RABGAP1L: variants seen among roughly 807,000 people sequenced by gnomAD.
The protein encoded by RABGAP1L is rab GTPase-activating protein 1-like.
In RABGAP1L, 63 loss-of-function variants were observed where a neutral mutation model predicts 137.7. The ratio of observed to expected loss-of-function variants is 0.46; its 90% confidence interval spans 0.37 to 0.56. The LOEUF (loss-of-function observed/expected upper bound fraction) is 0.56. Ranked by LOEUF, RABGAP1L falls within the 20% of genes least tolerant of loss-of-function variation. The pLI, the probability that RABGAP1L is intolerant of heterozygous loss-of-function variation, is 0.00. For missense variants in RABGAP1L, 1,095 were observed against 1,244.0 expected (o/e 0.88, Z 1.80); for synonymous variants, 431 against 433.7 (o/e 0.99, Z 0.08).
chr1:174,201,147 A>C (rs1444906910), intron 1 of RABGAP1L, among the ~76,000 whole-genome samples: 2 of 152,074 alleles, frequency 1.3e-5, no homozygotes, highest in Non-Finnish European at 2.9e-5. Context: ...CAGAGACAAG[A>C]GTCTCCCTCT....
intron 14 of RABGAP1L, among the ~76,000 whole-genome samples, chr1:174,647,899 A>C (rs1001213234): frequency 6.6e-6 from 1 of 152,098 alleles, no homozygotes; most frequent in Non-Finnish European, 1.5e-5. Flanking sequence ...TTATTGGTCT[A>C]TTCAGGGACT....
chr1:174,612,743 T>G (rs1056825545), intron 13 of RABGAP1L, among the ~76,000 whole-genome samples: 161 of 152,338 alleles, frequency 1.1e-3, no homozygotes, highest in African/African-American at 3.7e-3. Flanking sequence ...AGCCTGTTAT[T>G]GGTCTATTCA....
chr1:174,278,140 C>T (rs961386786), intron 9 of RABGAP1L, among the ~76,000 whole-genome samples: 2 of 152,142 alleles, frequency 1.3e-5, no homozygotes, highest in Non-Finnish European at 1.5e-5. Flanking sequence ...TGGTGGCTCA[C>T]GCTTGTAATC....
chr1:174,231,529 G>GT (rs1670652256), intron 4 of RABGAP1L, among the ~76,000 whole-genome samples, 174 bp downstream of exon 4: 1 of 152,116 alleles, frequency 6.6e-6, no homozygotes, highest in Non-Finnish European at 1.5e-5. Context: ...TTGAACAATT[G>GT]TATTAGTCTA....
intron 17 of RABGAP1L, among the ~76,000 whole-genome samples, chr1:174,711,865 T>G (rs772161958): frequency 2.0e-5 from 3 of 152,204 alleles, no homozygotes; most frequent in Non-Finnish European, 4.4e-5. Flanking sequence ...CAGCTGAGCT[T>G]CTGAGTCGGG....
intron 19 of RABGAP1L, among the ~76,000 whole-genome samples, chr1:174,841,705 A>T (rs1693425391): frequency 6.6e-6 from 1 of 152,122 alleles, no homozygotes; most frequent in African/African-American, 2.4e-5. Context: ...TGATAAAAAT[A>T]GAAAAGAAGA....
intron 13 of RABGAP1L, among the ~76,000 whole-genome samples, chr1:174,397,480 G>A (rs1208215251): frequency 6.6e-6 from 1 of 152,106 alleles, no homozygotes; most frequent in Non-Finnish European, 1.5e-5. Flanking sequence ...GACTGTAGCT[G>A]TGGTGACACA....
At chr1:174,165,479 GTGACATT>G (rs1664828506) in intron 1 of RABGAP1L, among the ~76,000 whole-genome samples, 1 of 151,202 alleles carries the variant, frequency 6.6e-6, no homozygotes, top group Admixed American at 6.6e-5. Context: ...AAAAGAAGAG[GTGACATT>G]TGAACTACTT....
rs538435869 is a variant in RABGAP1L, at chr1:174,621,474, C to T, written c.1711-15901C>T. Among the ~76,000 whole-genome samples the T allele has an allele frequency of 2.5e-3, 379 of 152,260 alleles. 4 individuals carry two copies. Among genetic ancestry groups the T allele is most frequent in the African/African-American group, 8.8e-3 (365 of 41,544 alleles). The stretch of plus-strand genomic sequence containing the variant: ...AACTATACTACAAGGCTACAGTAAC[C>T]AAAACAGCATGGTACTGGTAGCAAA... On this transcript the variant is annotated intron_variant, in intron 13 of 25. Transcript: ENST00000681986.
intron 13 of RABGAP1L, among the ~76,000 whole-genome samples, chr1:174,590,082 A>C (rs1361603549): frequency 6.7e-6 from 1 of 149,226 alleles, no homozygotes; most frequent in Non-Finnish European, 1.5e-5. Flanking sequence ...CTAATCCATG[A>C]ACATGGAATA....
At chr1:174,981,128 A>G (rs1479517252) in intron 23 of RABGAP1L, among the ~76,000 whole-genome samples, 1 of 152,200 alleles carries the variant, frequency 6.6e-6, no homozygotes, top group Non-Finnish European at 1.5e-5. Context: ...CCTGGGGACT[A>G]TTCTTGAATA....
At chr1:174,823,588 G>A (rs920979506) in intron 19 of RABGAP1L, among the ~76,000 whole-genome samples, 2 of 152,120 alleles carry the variant, frequency 1.3e-5, no homozygotes, top group Non-Finnish European at 2.9e-5. Flanking sequence ...AATGAAGAGA[G>A]GTTGGTTAAT....
chr1:174,171,696 T>TAGAA (rs1220552394), intron 1 of RABGAP1L, among the ~76,000 whole-genome samples: 16 of 134,304 alleles, frequency 1.2e-4, no homozygotes, highest in Non-Finnish European at 2.1e-4. Context: ...TATTCAGCTT[T>TAGAA]AAAAAAAAAA....
chr1:174,526,124 T>A (rs992398330), intron 13 of RABGAP1L, among the ~76,000 whole-genome samples: 1 of 152,180 alleles, frequency 6.6e-6, no homozygotes, highest in Non-Finnish European at 1.5e-5. Context: ...TTTAATGGGA[T>A]TATTTGTTTT....
intron 17 of RABGAP1L, among the ~76,000 whole-genome samples, chr1:174,743,583 T>A (rs1683626144): frequency 6.6e-6 from 1 of 152,132 alleles, no homozygotes; most frequent in Admixed American, 6.6e-5. Context: ...AAACCCCCTA[T>A]GTCACAAGTT....
At chr1:174,790,745 C>CTGCATCTATTTGA (rs1687789730) in intron 18 of RABGAP1L, among the ~76,000 whole-genome samples, 1 of 151,304 alleles carries the variant, frequency 6.6e-6, no homozygotes, top group Admixed American at 6.6e-5. Context: ...TGAAATTCTG[C>CTGCATCTATTTGA]TGCATCTATT....
chr1:174,571,554 T>C (rs1044994787), intron 13 of RABGAP1L, among the ~76,000 whole-genome samples: 4 of 151,952 alleles, frequency 2.6e-5, no homozygotes, highest in African/African-American at 4.8e-5. Flanking sequence ...ATACACCTAC[T>C]GTGTACCCAC....
intron 15 of RABGAP1L, among the ~76,000 whole-genome samples, chr1:174,687,556 T>G (rs2148490284): frequency 6.6e-6 from 1 of 152,332 alleles, no homozygotes; most frequent in East Asian, 1.9e-4. Flanking sequence ...AGAAGTTAAC[T>G]GTAATTTATT....
At chr1:174,664,730 C>CTTT (rs747671420) in intron 14 of RABGAP1L, among the ~76,000 whole-genome samples, 9,744 of 97,236 alleles carry the variant, frequency 0.1, 995 homozygotes, top group African/African-American at 0.13. Context: ...TTTCTTTCTG[C>CTTT]TTTCTTTTTT....
Sources: gnomAD v4.1 joint callset for allele counts (sites outside exome capture counted in the v4.1 genomes callset) on GRCh38, gnomAD v4.1.1 for gene constraint, MANE v1.5 for transcripts, NCBI Gene and HGNC (gene_info 2026-07-23, HGNC 2026-07-21) for gene names.